Variants in TNRC6B observed in about 807,000 individuals in gnomAD.
TNRC6B encodes trinucleotide repeat-containing gene 6B protein.
Under a neutral mutation model 203.6 loss-of-function variants are expected in TNRC6B, and 52 were observed. The ratio of observed to expected loss-of-function variants is 0.26; its 90% CI spans 0.20 to 0.32. The LOEUF (loss-of-function observed/expected upper bound fraction) is 0.32. Ranked by LOEUF, TNRC6B falls within the 10% of genes least tolerant of loss-of-function variation. The probability of loss-of-function intolerance (pLI) is 1.00; values close to 1 mark genes in which losing one functional copy is unlikely to be tolerated. For missense variants in TNRC6B, 1,923 were observed against 2,286.2 expected, an observed-to-expected ratio of 0.84 and a Z score of 3.24; for synonymous variants, 838 against 845.7, an observed-to-expected ratio of 0.99 and a Z score of 0.16.
At chr22:40,072,937 A>G (rs1325398824) in intron 1 of TNRC6B, among the ~76,000 whole-genome samples, 6 of 151,884 alleles carry the variant, frequency 4.0e-5, no homozygotes, top group African/African-American at 1.5e-4. Context: ...AGCTAGAACA[A>G]AAGATCAGAA....
intron 1 of TNRC6B, among the ~76,000 whole-genome samples, chr22:40,065,346 A>G (rs983250511): frequency 4.0e-5 from 6 of 151,842 alleles, no homozygotes; most frequent in Non-Finnish European, 7.4e-5. Flanking sequence ...GGGTTTTGCT[A>G]TTTTGCCCAG....
chr22:40,101,661 G>A (rs1016378277), intron 1 of TNRC6B, among the ~76,000 whole-genome samples: 5 of 152,186 alleles, frequency 3.3e-5, no homozygotes, highest in Non-Finnish European at 7.3e-5. Context: ...TCAAAAGAAG[G>A]ATTAATGGGC....
chr22:40,133,140 T>C (rs2068567851), intron 3 of TNRC6B, among the ~76,000 whole-genome samples: 1 of 151,710 alleles, frequency 6.6e-6, no homozygotes, highest in Non-Finnish European at 1.5e-5. Flanking sequence ...ATCTGTCACA[T>C]GTGGCTTTGA....
intron 4 of TNRC6B, among the ~76,000 whole-genome samples, chr22:40,168,929 CT>C (rs1383559013): frequency 6.6e-6 from 1 of 152,124 alleles, no homozygotes; most frequent in Non-Finnish European, 1.5e-5. Context: ...TGTTATATCT[CT>C]ATTTATACTT....
At chr22:40,186,430 T>C (rs990237567) in intron 1 of TNRC6B, among the ~76,000 whole-genome samples, 24 of 151,850 alleles carry the variant, frequency 1.6e-4, no homozygotes, top group Admixed American at 7.9e-4. Flanking sequence ...TTTTAAATTT[T>C]CCAGGAGTCA....
At position 40,262,687 on chromosome 22, in the gene TNRC6B, T is replaced by C. The variant is rs150969518; in HGVS notation, c.457+514T>C. Reference sequence around the variant, plus strand: ...TTTTGTGGGCCCTGGATTTTGAGCTTTGTTAAAAACTGTATGTAGAAATAA... The same window carrying C: ...TTTTGTGGGCCCTGGATTTTGAGCTCTGTTAAAAACTGTATGTAGAAATAA... On this transcript the variant is annotated intron_variant, in intron 4 of 22. Coordinates refer to ENST00000454349, the MANE Select transcript of TNRC6B (RefSeq NM_001162501.2). Among the ~76,000 whole-genome samples, 746 of 152,272 alleles carry C rather than the reference T, an allele frequency of 4.9e-3. 4 individuals are homozygous for C. Among genetic ancestry groups the C allele is most frequent in the African/African-American group, 0.017 (705 of 41,550 alleles).
chr22:40,244,719 C>G (rs375980578), intron 1 of TNRC6B, among the ~76,000 whole-genome samples: 1 of 152,106 alleles, frequency 6.6e-6, no homozygotes, highest in Non-Finnish European at 1.5e-5. Context: ...GTTATCTGTT[C>G]GGTATTCTGA....
Position 40,315,295 on chromosome 22 carries a change from A to G in TNRC6B, c.4691A>G (p.Asp1564Gly). The G allele has an allele frequency of 6.2e-7, 1 of 1,613,968 alleles. No individual in the cohort carries two copies. The highest frequency in any genetic ancestry group is 8.5e-7 in the Non-Finnish European group (1 of 1,179,854). Residue 1564 changes from aspartate (D) to glycine (G), a missense_variant, in exon 20 of 23, where the codon GAT (aspartate) becomes GGT (glycine). Asp to Gly is a moderately conservative substitution (Grantham distance 94). Transcript: ENST00000454349. ...NVHSTSAKFP[D>G]YKSTWSPDPI... is the part of the protein sequence containing the mutation. ...TCTCTTCTTACAGCAAAGTTCCCTG[A>G]TTACAAATCAACATGGTCCCCAGAT...
rs574364553 is a variant in TNRC6B, at chr22:40,288,291, A to G, written c.3708+2521A>G. Among the ~76,000 whole-genome samples the G allele has an allele frequency of 3.0e-3, 450 of 152,346 alleles. 3 individuals are homozygous for G. Among genetic ancestry groups the G allele is most frequent in the Non-Finnish European group, 4.5e-3 (306 of 68,038 alleles). ...TCCCAGGTCTCCAGTCTTCTGTGAC[A>G]GGTGGCTTTGGGACTTAGTCACCCC... On this transcript the variant is annotated intron_variant, in intron 12 of 22. Transcript: ENST00000454349.
intron 1 of TNRC6B, among the ~76,000 whole-genome samples, chr22:40,236,506 C>G (rs4821936): frequency 0.18 from 27,445 of 152,174 alleles, 3,316 homozygotes; most frequent in Admixed American, 0.33. Context: ...TTGGGTGGCT[C>G]TCTTCCTGTT....
At chr22:40,146,053 A>G (rs1271080400) in intron 3 of TNRC6B, among the ~76,000 whole-genome samples, 1 of 152,190 alleles carries the variant, frequency 6.6e-6, no homozygotes, top group African/African-American at 2.4e-5. Flanking sequence ...GAATGAGAAG[A>G]AAGAGGTCCA....
At chr22:40,168,638 A>G (rs2068943130) in intron 4 of TNRC6B, among the ~76,000 whole-genome samples, 1 of 152,246 alleles carries the variant, frequency 6.6e-6, no homozygotes, top group South Asian at 2.1e-4. Flanking sequence ...GATCTAACAT[A>G]GTTTTGGCTA....
chr22:40,153,413 C>T (rs563153330), intron 3 of TNRC6B, among the ~76,000 whole-genome samples: 5 of 152,204 alleles, frequency 3.3e-5, no homozygotes, highest in Admixed American at 6.5e-5. Context: ...GCAGGAGAAA[C>T]CCCTGAGGGT....
chr22:40,093,143 T>C (rs2068162303), intron 1 of TNRC6B, among the ~76,000 whole-genome samples: 1 of 152,098 alleles, frequency 6.6e-6, no homozygotes, highest in Non-Finnish European at 1.5e-5. Context: ...AATGAAAAAA[T>C]AACCATTTCA....
At chr22:40,056,448 A>T (rs57489463) in intron 1 of TNRC6B, among the ~76,000 whole-genome samples, 3,119 of 152,314 alleles carry the variant, frequency 0.02, 91 homozygotes, top group African/African-American at 0.071. Context: ...AAGAGAAAGG[A>T]CAGAGAAAAA....
chr22:40,245,590 A>T (rs1179035578), intron 1 of TNRC6B, among the ~76,000 whole-genome samples: 1 of 152,210 alleles, frequency 6.6e-6, no homozygotes, highest in East Asian at 1.9e-4. Context: ...CTAATTTATG[A>T]TAAATACATA....
intron 1 of TNRC6B, among the ~76,000 whole-genome samples, chr22:40,199,614 A>G (rs1018546199): frequency 6.6e-6 from 1 of 152,170 alleles, no homozygotes; most frequent in Non-Finnish European, 1.5e-5. Context: ...CTAAAGAGAC[A>G]TGTCAACTAA....
rs1326196737 is a variant in TNRC6B at position 40,312,638 on chromosome 22, G to C, written c.4569G>C (p.Arg1523=). The change falls in exon 18 of 23, where the codon CGG becomes CGC. Residue 1523 remains arginine (R), a synonymous_variant. Transcript: ENST00000454349. ...TAGATACTGACCACCAACTGCTGCGGGATAACACCACAGGTACTTGAGCAA... is the reference window on the plus strand; with the variant it reads ...TAGATACTGACCACCAACTGCTGCGCGATAACACCACAGGTACTTGAGCAA... ...PIVDTDHQLL[R]DNTTGSNSSL... 3.7e-6 allele frequency: 6 copies of C among 1,611,572 alleles called. No individual in the cohort carries two copies. The highest frequency in any genetic ancestry group is 1.7e-5 in the Admixed American group (1 of 59,472).
intron 1 of TNRC6B, among the ~76,000 whole-genome samples, chr22:40,227,268 G>T (rs1014426009): frequency 1.3e-5 from 2 of 149,940 alleles, no homozygotes; most frequent in Non-Finnish European, 3.0e-5. Context: ...TTGCCATGTT[G>T]CCCAGGCTGG....
Sources: gnomAD v4.1 joint callset for allele counts (sites outside exome capture counted in the v4.1 genomes callset) on GRCh38, gnomAD v4.1.1 for gene constraint, MANE v1.5 for transcripts, NCBI Gene and HGNC (gene_info 2026-07-23, HGNC 2026-07-21) for gene names.